Variants in TTLL1 observed in about 807,000 individuals in gnomAD.
The protein encoded by TTLL1 is TTL family tubulin polyglutamylase complex subunit L1.
In TTLL1, 33 loss-of-function variants were observed where a neutral mutation model predicts 47.8. The ratio of observed to expected loss-of-function variants is 0.69; its 90% CI spans 0.52 to 0.92. The LOEUF is 0.92. Among genes scored for constraint, TTLL1 ranks in the 40% least tolerant of loss-of-function variants. The probability of loss-of-function intolerance (pLI) is 0.00; values close to 1 mark genes in which losing one functional copy is unlikely to be tolerated. For synonymous variants in TTLL1, 225 were observed against 214.1 expected (o/e 1.05, Z -0.45); for missense variants, 488 against 547.5 (o/e 0.89, Z 1.08).
At chr22:43,080,346 C>T (rs73179042) in intron 1 of TTLL1, among the ~76,000 whole-genome samples, 1,835 of 152,192 alleles carry the variant, frequency 0.012, 27 homozygotes, top group Middle Eastern at 0.085. Flanking sequence ...TGAGCCACCG[C>T]GCCTGGCCTC....
In TTLL1 at chr22:43,044,387, AC is replaced by A. The variant is rs200085331; in HGVS notation, c.1142+2022del. On this transcript the variant is annotated intron_variant, in intron 10 of 10. Transcript: ENST00000266254. ...TTCCAGACAATGAGCTGTAACACGC[AC>A]ATCCACACCACACATCACCCACAGC... Among the ~76,000 whole-genome samples, 437 of 152,312 alleles carry A rather than the reference AC, an allele frequency of 2.9e-3. 1 individual carries two copies. Among genetic ancestry groups the A allele is most frequent in the African/African-American group, 0.01 (422 of 41,572 alleles).
At chr22:43,077,141 T>C (rs989373540) in intron 2 of TTLL1, among the ~76,000 whole-genome samples, 1 of 152,006 alleles carries the variant, frequency 6.6e-6, no homozygotes, top group Non-Finnish European at 1.5e-5. Flanking sequence ...CACTCCCATT[T>C]AATAACCTCC....
chr22:43,088,324 CTTTTTTTTTTTTTT>C lies in TTLL1; in HGVS notation c.-90+939_-90+952del, dbSNP rs1167618669. Among the ~76,000 whole-genome samples the C allele has an allele frequency of 1.2e-4, 7 of 56,468 alleles. No homozygotes were observed. The South Asian group carries it at 2.5e-3, about 20-fold the overall frequency. 37.0% of individuals were successfully genotyped at this position (56,468 alleles called of 152,430 possible). On this transcript the variant is annotated intron_variant, in intron 1 of 10. Coordinates refer to ENST00000266254, the MANE Select transcript of TTLL1 (RefSeq NM_012263.5). ...AATTTGAGGGCAGAGAAGGGCCCAT[CTTTTTTTTTTTTTT>C]TTTTTTTTTTTTTTTTGAGACAGAA...
chr22:43,076,826 G>T (rs1928531023), intron 2 of TTLL1, among the ~76,000 whole-genome samples: 1 of 151,838 alleles, frequency 6.6e-6, no homozygotes, highest in Non-Finnish European at 1.5e-5. Flanking sequence ...TCTGGGCCAG[G>T]CATGGTGGCT....
At chr22:43,045,987 G>A (rs549772147) in intron 10 of TTLL1, among the ~76,000 whole-genome samples, 86 of 152,248 alleles carry the variant, frequency 5.6e-4, no homozygotes, top group African/African-American at 1.7e-3. Flanking sequence ...TTGGGAGGCC[G>A]AGGTGGGAGA....
At chr22:43,085,544 G>T (rs1929177544) in intron 1 of TTLL1, among the ~76,000 whole-genome samples, 1 of 152,162 alleles carries the variant, frequency 6.6e-6, no homozygotes, top group African/African-American at 2.4e-5. Flanking sequence ...TTTTATAAAT[G>T]CGAGTTCCCC....
chr22:43,065,434 C>T (rs190849729), intron 5 of TTLL1, among the ~76,000 whole-genome samples: 1 of 151,902 alleles, frequency 6.6e-6, no homozygotes, highest in Non-Finnish European at 1.5e-5. Context: ...GGATTACAGA[C>T]GCCAGCCACC....
rs563453981 is a variant in TTLL1 at position 43,054,288 on chromosome 22, C to T, written c.892-2401G>A. On this transcript the variant is annotated intron_variant, in intron 8 of 10. Coordinates refer to ENST00000266254, the MANE Select transcript of TTLL1 (RefSeq NM_012263.5). Reference sequence around the variant, plus strand: ...GTATCTCCAGCAGTGAACTAGGTCCCGGGTTTTTTCTGTCGAATCCTCTGT... The same window carrying T: ...GTATCTCCAGCAGTGAACTAGGTCCTGGGTTTTTTCTGTCGAATCCTCTGT... Among the ~76,000 whole-genome samples, 13 of 152,360 alleles carry T rather than the reference C, an allele frequency of 8.5e-5. No homozygotes were observed. The East Asian group carries it at 2.1e-3, about 25-fold the overall frequency.
intron 10 of TTLL1, among the ~76,000 whole-genome samples, chr22:43,042,984 G>A (rs1272590837): frequency 1.4e-5 from 2 of 147,508 alleles, no homozygotes; most frequent in Non-Finnish European, 3.0e-5. Flanking sequence ...GTGTCGCCCA[G>A]GCTGGAGTGC....
chr22:43,080,650 CT>C (rs920397647), intron 1 of TTLL1, among the ~76,000 whole-genome samples: 6 of 152,106 alleles, frequency 3.9e-5, no homozygotes, highest in Non-Finnish European at 7.3e-5. Flanking sequence ...GGAACGGCCC[CT>C]CTGCACTGCC....
At chr22:43,073,828 TATTTA>T (rs1928295627) in intron 3 of TTLL1, among the ~76,000 whole-genome samples, 1 of 150,794 alleles carries the variant, frequency 6.6e-6, no homozygotes, top group African/African-American at 2.4e-5. Flanking sequence ...TTTATTTATT[TATTTA>T]TTTTTTTTGA....
intron 1 of TTLL1, among the ~76,000 whole-genome samples, chr22:43,088,800 TG>T (rs1290556548): frequency 3.9e-5 from 6 of 152,058 alleles, no homozygotes; most frequent in African/African-American, 1.4e-4. Flanking sequence ...AGCTACTCTA[TG>T]GAAAAGGATG....
At chr22:43,041,815 C>T (rs986619596) in intron 10 of TTLL1, among the ~76,000 whole-genome samples, 2 of 152,126 alleles carry the variant, frequency 1.3e-5, no homozygotes, top group African/African-American at 2.4e-5. Flanking sequence ...TGCGCCTGGC[C>T]GCATTTTCTG....
At chr22:43,051,527 A>G (rs1381997736) in intron 9 of TTLL1, among the ~76,000 whole-genome samples, 1 of 151,844 alleles carries the variant, frequency 6.6e-6, no homozygotes, top group Non-Finnish European at 1.5e-5. Context: ...AGGGAGGATG[A>G]ACTAGCCCAG....
intron 1 of TTLL1, among the ~76,000 whole-genome samples, chr22:43,082,269 AG>A (rs1928948973): frequency 6.6e-6 from 1 of 151,848 alleles, no homozygotes; most frequent in South Asian, 2.1e-4. Context: ...CAATAGCTTG[AG>A]TTCTTCCCAT....
At chr22:43,083,560 C>T (rs936291120) in intron 1 of TTLL1, among the ~76,000 whole-genome samples, 2 of 152,206 alleles carry the variant, frequency 1.3e-5, no homozygotes, top group South Asian at 4.1e-4. Context: ...GAAACCCCGT[C>T]TCTACTAAAA....
intron 1 of TTLL1, among the ~76,000 whole-genome samples, chr22:43,083,093 G>A (rs1179749856): frequency 3.3e-5 from 5 of 151,940 alleles, no homozygotes; most frequent in Non-Finnish European, 7.4e-5. Flanking sequence ...TAGGCTGGGC[G>A]CAGCGGCTCA....
intron 10 of TTLL1, among the ~76,000 whole-genome samples, chr22:43,042,360 C>T (rs1021081710): frequency 2.0e-5 from 3 of 152,206 alleles, no homozygotes; most frequent in Admixed American, 6.5e-5. Flanking sequence ...GGCCACCTAC[C>T]GAGCCAACGC....
intron 5 of TTLL1, among the ~76,000 whole-genome samples, chr22:43,066,233 G>A (rs1432559120): frequency 1.3e-5 from 2 of 151,712 alleles, no homozygotes; most frequent in African/African-American, 2.4e-5. Context: ...GGTGCATCTC[G>A]TCAGCTGGCA....
Sources: gnomAD v4.1 joint callset for allele counts (sites outside exome capture counted in the v4.1 genomes callset) on GRCh38, gnomAD v4.1.1 for gene constraint, MANE v1.5 for transcripts, NCBI Gene and HGNC (gene_info 2026-07-23, HGNC 2026-07-21) for gene names.